The following CALN1 variants were observed in gnomAD, a reference collection of about 807,000 sequenced individuals.
CALN1 encodes the protein calcium-binding protein 8.
CALN1 carries 17 observed loss-of-function variants against 30.6 expected under a neutral mutation model. The observed-to-expected ratio is 0.56, with a 90% CI of 0.38 to 0.83. The LOEUF (loss-of-function observed/expected upper bound fraction) is 0.83, where lower values mean the gene tolerates loss of function less well. Ranked by LOEUF, CALN1 falls within the 40% of genes least tolerant of loss-of-function variation. The pLI, the probability that CALN1 is intolerant of heterozygous loss-of-function variation, is 0.00. For missense variants in CALN1, 291 were observed against 354.9 expected (o/e 0.82, Z 1.45); for synonymous variants, 156 against 131.4 (o/e 1.19, Z -1.28).
chr7:72,157,121 C>A (rs543575702), intron 3 of CALN1, among the ~76,000 whole-genome samples: 2 of 152,288 alleles, frequency 1.3e-5, no homozygotes, highest in African/African-American at 4.8e-5. Flanking sequence ...CCCATCTGTC[C>A]TAGTGGGAGA....
chr7:72,338,370 T>C (rs1045438164), intron 2 of CALN1, among the ~76,000 whole-genome samples: 1 of 152,148 alleles, frequency 6.6e-6, no homozygotes, highest in Non-Finnish European at 1.5e-5. Flanking sequence ...AAGCAGGCAA[T>C]GCTGCTCTAA....
At chr7:72,337,915 C>T (rs762645312) in intron 2 of CALN1, among the ~76,000 whole-genome samples, 3 of 152,236 alleles carry the variant, frequency 2.0e-5, no homozygotes, top group Non-Finnish European at 2.9e-5. Flanking sequence ...CTGTCTGCAA[C>T]CTGCCCATGC....
rs529205599 is a variant in CALN1, at chr7:72,343,405, A to G, written c.119+59846T>C. ...CTACTGTAAATACAAAAAATTAGCCAGGCATGGTGGCGCATGCCTGTAATC... is the reference window on the plus strand; with the variant it reads ...CTACTGTAAATACAAAAAATTAGCCGGGCATGGTGGCGCATGCCTGTAATC... On this transcript the variant is annotated intron_variant, in intron 2 of 6. Coordinates refer to ENST00000395275, the MANE Select transcript of CALN1 (RefSeq NM_031468.4). Among the ~76,000 whole-genome samples, 10 of 152,210 alleles carry G rather than the reference A, an allele frequency of 6.6e-5. No homozygotes were observed. In the East Asian group the frequency reaches 1.9e-3, roughly 29 times the overall value.
intron 5 of CALN1, among the ~76,000 whole-genome samples, chr7:71,921,293 G>T (rs901438430): frequency 2.6e-5 from 4 of 152,112 alleles, no homozygotes; most frequent in African/African-American, 7.2e-5. Context: ...AAACCACCAT[G>T]GCATGTGTAT....
At chr7:72,328,718 CAG>C (rs1477419579) in intron 2 of CALN1, among the ~76,000 whole-genome samples, 4 of 152,192 alleles carry the variant, frequency 2.6e-5, no homozygotes, top group African/African-American at 9.6e-5. Context: ...TTTGTTGAGA[CAG>C]AGTCTCGCTC....
At chr7:72,072,364 C>T (rs1804457326) in intron 4 of CALN1, among the ~76,000 whole-genome samples, 1 of 152,102 alleles carries the variant, frequency 6.6e-6, no homozygotes, top group East Asian at 1.9e-4. Flanking sequence ...CTGATATAGC[C>T]AATGTGCTAT....
chr7:71,883,935 T>C (rs574332857), intron 5 of CALN1, among the ~76,000 whole-genome samples: 107 of 152,134 alleles, frequency 7.0e-4, no homozygotes, highest in Middle Eastern at 3.4e-3. Context: ...CTTTCTTTCT[T>C]TGACAGAGTC....
At chr7:72,057,903 T>G (rs1803372350) in intron 4 of CALN1, among the ~76,000 whole-genome samples, 1 of 152,190 alleles carries the variant, frequency 6.6e-6, no homozygotes, top group South Asian at 2.1e-4. Flanking sequence ...ATGAAAGCGT[T>G]CTTGAGGGGT....
At chr7:72,159,563 C>T (rs10241494) in intron 3 of CALN1, among the ~76,000 whole-genome samples, 3 of 151,908 alleles carry the variant, frequency 2.0e-5, no homozygotes, top group Non-Finnish European at 2.9e-5. Flanking sequence ...TTTGGGAGGC[C>T]AAGGCAGGTG....
Position 71,854,375 on chromosome 7 carries a change from G to GAGAA in CALN1, c.502-43887_502-43884dup, listed in dbSNP as rs915415354. Among the ~76,000 whole-genome samples, 283 of 151,128 alleles carry GAGAA rather than the reference G, an allele frequency of 1.9e-3. 1 individual carries two copies. The highest frequency in any genetic ancestry group is 5.4e-3 in the African/African-American group (222 of 41,106). On this transcript the variant is annotated intron_variant, in intron 5 of 6. Transcript: ENST00000395275. ...TAAAAAACAGACAGACAGACAGACA[G>GAGAA]AGAAAGAAAGAAAGAAAGAAGGAAA...
intron 2 of CALN1, among the ~76,000 whole-genome samples, chr7:72,370,577 C>T (rs1188791706): frequency 1.3e-5 from 2 of 151,668 alleles, no homozygotes; most frequent in African/African-American, 4.8e-5. Context: ...CGGTGTGAAC[C>T]CGGGAGGCGG....
At position 71,781,488 on chromosome 7, in the gene CALN1, A is replaced by G. The variant is rs79577030; in HGVS notation, c.*6287T>C. The G allele has an allele frequency of 2.3e-3, 352 of 152,334 alleles. No homozygotes were observed. Among genetic ancestry groups the G allele is most frequent in the Non-Finnish European group, 4.3e-3 (295 of 68,028 alleles). The allele number at this position is 152,334 out of a possible 1,614,324, so 9.4% of individuals were successfully genotyped here. ...CTGATGGGCAGCCCCATGGCACTCA[A>G]TGGCCTGCATGTTTCCAAAGTAGGC... On this transcript the variant is annotated 3_prime_UTR_variant, in exon 7 of 7. Coordinates refer to ENST00000395275, the MANE Select transcript of CALN1 (RefSeq NM_031468.4).
At chr7:72,401,831 T>C (rs746434349) in intron 2 of CALN1, among the ~76,000 whole-genome samples, 2 of 152,338 alleles carry the variant, frequency 1.3e-5, no homozygotes, top group Non-Finnish European at 2.9e-5. Context: ...ACACCAGCTT[T>C]CTGTAAGGCA....
intron 2 of CALN1, among the ~76,000 whole-genome samples, chr7:72,374,090 T>C (rs761287773): frequency 5.9e-5 from 9 of 152,214 alleles, no homozygotes; most frequent in Non-Finnish European, 1.0e-4. Context: ...TTCTTGCCAG[T>C]GGACCTGCTC....
At chr7:72,333,505 A>G (rs962149734) in intron 2 of CALN1, among the ~76,000 whole-genome samples, 1 of 152,160 alleles carries the variant, frequency 6.6e-6, no homozygotes, top group Admixed American at 6.5e-5. Flanking sequence ...TGTTCTGCTA[A>G]TCTTGAAGGA....
intron 2 of CALN1, among the ~76,000 whole-genome samples, chr7:72,331,309 C>G (rs1303098971): frequency 6.6e-6 from 1 of 151,998 alleles, no homozygotes; most frequent in Admixed American, 6.6e-5. Context: ...GAGATCACGC[C>G]ACTGCACTCC....
intron 3 of CALN1, among the ~76,000 whole-genome samples, chr7:72,142,987 T>C (rs577210798): frequency 6.6e-6 from 1 of 152,056 alleles, no homozygotes; most frequent in Admixed American, 6.5e-5. Flanking sequence ...GTCACCATCA[T>C]CAAAGACCAA....
chr7:71,795,541 TCGCGAGATTG>T (rs1786847771), intron 6 of CALN1, among the ~76,000 whole-genome samples: 1 of 152,208 alleles, frequency 6.6e-6, no homozygotes, highest in African/African-American at 2.4e-5. Context: ...TTTAACACAT[TCGCGAGATTG>T]CGCAACCATC....
At chr7:72,441,920 A>G (rs1808358836) in intron 1 of CALN1, among the ~76,000 whole-genome samples, 1 of 151,978 alleles carries the variant, frequency 6.6e-6, no homozygotes, top group African/African-American at 2.4e-5. Flanking sequence ...TGCCCACTCA[A>G]CATCTCCACC....
Sources: gnomAD v4.1 joint callset for allele counts (sites outside exome capture counted in the v4.1 genomes callset) on GRCh38, gnomAD v4.1.1 for gene constraint, MANE v1.5 for transcripts, NCBI Gene and HGNC (gene_info 2026-07-23, HGNC 2026-07-21) for gene names.